The following B3GALT1 variants were observed in gnomAD, a reference collection of about 807,000 sequenced individuals.
B3GALT1 encodes UDP-Gal:betaGlcNAc beta 1,3-galactosyltransferase, polypeptide 1.
B3GALT1 carries 10 observed loss-of-function variants against 23.2 expected under a neutral mutation model. The ratio of observed to expected loss-of-function variants is 0.43; its 90% confidence interval spans 0.27 to 0.73. B3GALT1 has a LOEUF of 0.73. Among genes scored for constraint, B3GALT1 ranks in the 30% least tolerant of loss-of-function variants. The probability of loss-of-function intolerance (pLI) is 0.21; values close to 1 mark genes in which losing one functional copy is unlikely to be tolerated. For synonymous variants in B3GALT1, 156 were observed against 141.5 expected (o/e 1.10, Z -0.73); for missense variants, 299 against 405.4 (o/e 0.74, Z 2.25).
chr2:167,460,760 T>G (rs1699247687), intron 1 of B3GALT1, among the ~76,000 whole-genome samples: 1 of 152,098 alleles, frequency 6.6e-6, no homozygotes, highest in Admixed American at 6.6e-5. Flanking sequence ...ATTTTCTGGG[T>G]TTTATTGTTG....
chr2:167,726,775 A>T (rs981170036), intron 3 of B3GALT1, among the ~76,000 whole-genome samples: 25 of 152,350 alleles, frequency 1.6e-4, no homozygotes, highest in African/African-American at 5.5e-4. Flanking sequence ...CTGGCTGTAT[A>T]CCCAGTGCTT....
intron 1 of B3GALT1, among the ~76,000 whole-genome samples, chr2:167,388,557 T>C (rs928940183): frequency 2.6e-5 from 4 of 152,028 alleles, no homozygotes; most frequent in African/African-American, 9.7e-5. Flanking sequence ...CACCTGAGGG[T>C]AAATATTCGT....
At chr2:167,855,967 A>AG (rs1689993325) in intron 4 of B3GALT1, among the ~76,000 whole-genome samples, 1 of 152,184 alleles carries the variant, frequency 6.6e-6, no homozygotes, top group Non-Finnish European at 1.5e-5. Flanking sequence ...AACAAAAAAA[A>AG]TAGCCTCAGA....
chr2:167,415,375 T>A (rs1404331482), intron 1 of B3GALT1, among the ~76,000 whole-genome samples: 2 of 152,238 alleles, frequency 1.3e-5, no homozygotes, highest in African/African-American at 4.8e-5. Context: ...ATGTGGCCCC[T>A]TGACCTTGTA....
At chr2:167,550,817 G>A (rs1050061763) in intron 2 of B3GALT1, among the ~76,000 whole-genome samples, 2 of 152,190 alleles carry the variant, frequency 1.3e-5, no homozygotes, top group Non-Finnish European at 2.9e-5. Flanking sequence ...GAATGGTAGA[G>A]GCTTGAGCAC....
chr2:167,654,786 A>G (rs1348746012), intron 3 of B3GALT1, among the ~76,000 whole-genome samples: 5 of 141,564 alleles, frequency 3.5e-5, no homozygotes, highest in Admixed American at 7.6e-5. Context: ...ATAAGCCACA[A>G]CACCCAGCCT....
At chr2:167,672,487 A>G (rs1686349906) in intron 3 of B3GALT1, among the ~76,000 whole-genome samples, 2 of 152,088 alleles carry the variant, frequency 1.3e-5, no homozygotes, top group Admixed American at 6.5e-5. Context: ...ATGAGACTCA[A>G]AAGATCTGAG....
intron 4 of B3GALT1, among the ~76,000 whole-genome samples, chr2:167,830,375 T>TAAA (rs59253266): frequency 0.029 from 4,159 of 142,146 alleles, 201 homozygotes; most frequent in African/African-American, 0.1. Flanking sequence ...CGTTCATACT[T>TAAA]AAAAAAAAAA....
At chr2:167,298,024 T>G (rs1164765707) in intron 1 of B3GALT1, among the ~76,000 whole-genome samples, 1 of 152,138 alleles carries the variant, frequency 6.6e-6, no homozygotes, top group Non-Finnish European at 1.5e-5. Context: ...GCCTTTATCT[T>G]TTTTGCCCTA....
At chr2:167,609,044 C>T (rs1464999221) in intron 2 of B3GALT1, among the ~76,000 whole-genome samples, 1 of 152,086 alleles carries the variant, frequency 6.6e-6, no homozygotes, top group African/African-American at 2.4e-5. Context: ...ATCTGTTGCT[C>T]ATTTCCATTA....
At chr2:167,487,639 G>A (rs1413899277) in intron 1 of B3GALT1, among the ~76,000 whole-genome samples, 4 of 152,100 alleles carry the variant, frequency 2.6e-5, no homozygotes, top group Non-Finnish European at 5.9e-5. Context: ...GAAACAAGAG[G>A]ATTTTTTAAT....
intron 1 of B3GALT1, among the ~76,000 whole-genome samples, chr2:167,350,383 CA>C (rs1378373063): frequency 1.3e-5 from 2 of 152,124 alleles, no homozygotes; most frequent in Non-Finnish European, 2.9e-5. Context: ...ACAAATATTA[CA>C]ATTGATTATA....
At chr2:167,456,846 C>T (rs1351086448) in intron 1 of B3GALT1, among the ~76,000 whole-genome samples, 6 of 152,164 alleles carry the variant, frequency 3.9e-5, no homozygotes, top group Admixed American at 1.3e-4. Flanking sequence ...TCCAGGTACT[C>T]TCCAAACTCC....
intron 2 of B3GALT1, among the ~76,000 whole-genome samples, chr2:167,542,259 G>T (rs556346660): frequency 2.0e-5 from 3 of 152,062 alleles, no homozygotes; most frequent in East Asian, 3.9e-4. Context: ...TAAAATTTCA[G>T]TCAGTTGTAT....
chr2:167,738,641 C>T (rs10469634), intron 3 of B3GALT1, among the ~76,000 whole-genome samples: 26,336 of 151,972 alleles, frequency 0.17, 2,359 homozygotes, highest in South Asian at 0.2. Flanking sequence ...AAAAAAATAC[C>T]ATAAGATCCC....
At chr2:167,449,974 C>T (rs113889686) in intron 1 of B3GALT1, among the ~76,000 whole-genome samples, 1,795 of 152,094 alleles carry the variant, frequency 0.012, 40 homozygotes, top group African/African-American at 0.041. Flanking sequence ...CTTTTTGACA[C>T]GCTTTTGGAT....
chr2:167,377,140 G>A (rs1289548171), intron 1 of B3GALT1, among the ~76,000 whole-genome samples: 1 of 152,060 alleles, frequency 6.6e-6, no homozygotes, highest in Non-Finnish European at 1.5e-5. Flanking sequence ...ATGTAATTTT[G>A]TGGTTTTGAG....
At chr2:167,499,655 A>C (rs1047657556) in intron 2 of B3GALT1, among the ~76,000 whole-genome samples, 1 of 152,150 alleles carries the variant, frequency 6.6e-6, no homozygotes, top group African/African-American at 2.4e-5. Flanking sequence ...TTTTATAAGC[A>C]CAGAAATATG....
chr2:167,437,683 C>T (rs1698810549), intron 1 of B3GALT1, among the ~76,000 whole-genome samples: 1 of 152,162 alleles, frequency 6.6e-6, no homozygotes, highest in Non-Finnish European at 1.5e-5. Context: ...TTTTTCTCTT[C>T]CTCTTTGTCA....
Sources: gnomAD v4.1 joint callset for allele counts (sites outside exome capture counted in the v4.1 genomes callset) on GRCh38, gnomAD v4.1.1 for gene constraint, MANE v1.5 for transcripts, NCBI Gene and HGNC (gene_info 2026-07-23, HGNC 2026-07-21) for gene names.